The following TAF1 variants were observed in gnomAD, a reference collection of about 807,000 sequenced individuals.
TAF1 encodes the protein TATA-box binding protein associated factor 1, also known as transcription initiation factor TFIID subunit 1.
Under a neutral mutation model 138.5 loss-of-function variants are expected in TAF1, and 2 were observed. The ratio of observed to expected loss-of-function variants is 0.01; its 90% CI spans 0.01 to 0.05. The LOEUF is 0.05. TAF1 is among the 10% of genes least tolerant of loss of function. The pLI is 1.00. For missense variants in TAF1, 709 were observed against 1,478.0 expected, an observed-to-expected ratio of 0.48 and a Z score of 8.53; for synonymous variants, 437 against 503.2, an observed-to-expected ratio of 0.87 and a Z score of 1.76.
intron 28 of TAF1, chrX:71,413,761 A>G (rs936535056): frequency 1.8e-5 from 2 of 111,657 alleles, no homozygotes; most frequent in African/African-American, 6.5e-5. Context: ...AATCATAGTC[A>G]TAATTTATTC....
chrX:71,460,106 G>A (rs1442574211), intron 36 of TAF1, among the ~76,000 whole-genome samples: 1 of 111,700 alleles, frequency 9.0e-6, no homozygotes, highest in African/African-American at 3.3e-5. Context: ...TTAGCTGGGT[G>A]TGGTGGCGAG....
intron 1 of TAF1, 26 bp downstream of exon 1, chrX:71,366,520 G>GGGGGCGGGGC: frequency 2.4e-6 from 1 of 417,684 alleles, no homozygotes; most frequent in Non-Finnish European, 3.7e-6. Flanking sequence ...TGGGGGTAGG[G>GGGGGCGGGGC]CTCGGGGGGT....
intron 13 of TAF1, among the ~76,000 whole-genome samples, chrX:71,471,075 T>G (rs1022959531): frequency 2.8e-5 from 3 of 108,168 alleles, no homozygotes; most frequent in Non-Finnish European, 5.7e-5. Flanking sequence ...CCTAGCACTT[T>G]GGGAGGCCGA....
rs180729691 is a variant in TAF1, at chrX:71,498,280, T to C, written c.1367-30262T>C. 7.5e-4 allele frequency among the ~76,000 whole-genome samples: 84 copies of C among 111,548 alleles called. No homozygotes were observed. In the Middle Eastern group the frequency reaches 0.018, roughly 24 times the overall value. On this transcript the variant is annotated intron_variant and NMD_transcript_variant, in intron 13 of 14. Coordinates refer to the TAF1 transcript ENST00000373775. The stretch of plus-strand genomic sequence containing the variant: ...AACTGGAAGTCAGAATGCAGGGGAA[T>C]ACAGAAGAAGGCATCCTTGAGGTCC...
At chrX:71,483,786 A>C (rs868245651) in intron 13 of TAF1, among the ~76,000 whole-genome samples, 166 of 92,604 alleles carry the variant, frequency 1.8e-3, no homozygotes, top group African/African-American at 1.9e-3. Context: ...CTCTCTATAT[A>C]TATATATATA....
At chrX:71,514,388 GAGGGACT>G (rs924625415) in intron 13 of TAF1, among the ~76,000 whole-genome samples, 10 of 105,655 alleles carry the variant, frequency 9.5e-5, no homozygotes, top group African/African-American at 3.5e-4. Context: ...AAGAGGCCAG[GAGGGACT>G]GACAGACTGG....
intron 1 of TAF1, 84 bp from the exon 2 acceptor site, chrX:71,367,415 T>C (rs1258580310): frequency 3.7e-6 from 4 of 1,086,531 alleles, no homozygotes; most frequent in Non-Finnish European, 5.0e-6. Flanking sequence ...TTTGTGACTT[T>C]GTCGTGGACC....
At position 71,389,856 on chromosome X, in the gene TAF1, G is replaced by T. The variant is rs772543990; in HGVS notation, c.2781+191G>T. On this transcript the variant is annotated intron_variant, in intron 18 of 37. Transcript: ENST00000423759. ...ATTATATTTTATATGATATGGGTTT[G>T]TTTTTTTTTGTTTGTTTTGTTTTTT... 3 of 308,023 alleles carry T rather than the reference G, an allele frequency of 9.7e-6. No homozygotes were observed. The Admixed American group carries it at 2.0e-4, about 20-fold the overall frequency. 25.4% of individuals were successfully genotyped at this position (308,023 alleles called of 1,213,427 possible).
intron 28 of TAF1, chrX:71,420,127 C>T (rs1261795466): frequency 1.0e-5 from 5 of 483,179 alleles, no homozygotes; most frequent in Admixed American, 5.1e-5. Context: ...CCTCTGTAGA[C>T]GTGACCCCGG....
chrX:71,456,184 T>G (rs756331806), intron 34 of TAF1, among the ~76,000 whole-genome samples: 2 of 111,822 alleles, frequency 1.8e-5, no homozygotes, highest in East Asian at 5.6e-4. Context: ...GGCACATGGT[T>G]TGCTCATTTC....
In TAF1 at chrX:71,520,011, G is replaced by T. The variant is rs908667061; in HGVS notation, c.1367-8531G>T. On this transcript the variant is annotated intron_variant and NMD_transcript_variant, in intron 13 of 14. Coordinates refer to the TAF1 transcript ENST00000373775. ...GTATTTTTAGTGGAGATGGGGTTTC[G>T]CCATGTTGGTCAGGCTGGTCTTGCA... Among the ~76,000 whole-genome samples the T allele has an allele frequency of 5.5e-5, 6 of 108,670 alleles. 1 individual carries two copies. The Admixed American group carries it at 5.9e-4, about 11-fold the overall frequency. The allele number at this position is 108,670 out of a possible 115,157, so 94.4% of individuals were successfully genotyped here.
intron 28 of TAF1, among the ~76,000 whole-genome samples, chrX:71,417,348 A>G (rs962941585): frequency 5.4e-5 from 6 of 110,211 alleles, no homozygotes; most frequent in Non-Finnish European, 1.1e-4. Flanking sequence ...CTCCATAATT[A>G]TAAGAAATTT....
chrX:71,394,407 C>G (rs1036878808), intron 22 of TAF1, among the ~76,000 whole-genome samples, 162 bp downstream of exon 22: 4 of 112,571 alleles, frequency 3.6e-5, no homozygotes, highest in Non-Finnish European at 7.5e-5. Flanking sequence ...AAACTGGACT[C>G]TAGGATTGTC....
chrX:71,500,845 C>G (rs980467609), intron 13 of TAF1, among the ~76,000 whole-genome samples: 1 of 109,526 alleles, frequency 9.1e-6, no homozygotes, highest in Admixed American at 9.8e-5. Context: ...GGTGGATCAC[C>G]TGAGGTCAGG....
chrX:71,483,778 C>CTATATATA (rs1486207258), intron 13 of TAF1, among the ~76,000 whole-genome samples: 28 of 54,128 alleles, frequency 5.2e-4, no homozygotes, highest in South Asian at 1.3e-3. Context: ...CTCTCTCTCT[C>CTATATATA]TCTATATATA....
intron 32 of TAF1, among the ~76,000 whole-genome samples, chrX:71,447,657 A>G (rs1362756561): frequency 1.9e-5 from 2 of 107,338 alleles, no homozygotes; most frequent in Non-Finnish European, 3.8e-5. Context: ...AGATCGCGCC[A>G]CTGTACTCCA....
At chrX:71,511,691 CTT>C (rs955062582) in intron 13 of TAF1, among the ~76,000 whole-genome samples, 8 of 111,781 alleles carry the variant, frequency 7.2e-5, no homozygotes, top group African/African-American at 2.6e-4. Flanking sequence ...GACAATGTGA[CTT>C]TGGCTGTTGC....
rs201756731 is a variant in TAF1 at position 71,524,895 on chromosome X, C to T, written c.1367-3647C>T. Among the ~76,000 whole-genome samples, 5 of 100,807 alleles carry T rather than the reference C, an allele frequency of 5.0e-5. No individual in the cohort carries two copies. In the East Asian group the frequency reaches 1.3e-3, roughly 27 times the overall value. 87.5% of individuals were successfully genotyped at this position (100,807 alleles called of 115,157 possible). ...GGCAGAGTTTGCAGTGAGCTGAGATCGCACCACTGCACTCTAGCCTAGGTG... is the reference window on the plus strand; with the variant it reads ...GGCAGAGTTTGCAGTGAGCTGAGATTGCACCACTGCACTCTAGCCTAGGTG... On this transcript the variant is annotated intron_variant and NMD_transcript_variant, in intron 13 of 14. Coordinates refer to the TAF1 transcript ENST00000373775.
chrX:71,515,781 G>A (rs1421152719), intron 13 of TAF1, among the ~76,000 whole-genome samples: 1 of 111,444 alleles, frequency 9.0e-6, no homozygotes, highest in East Asian at 2.8e-4. Flanking sequence ...CTTTCTCCCT[G>A]TTACTTAGTC....
Sources: gnomAD v4.1 joint callset for allele counts (sites outside exome capture counted in the v4.1 genomes callset) on GRCh38, gnomAD v4.1.1 for gene constraint, MANE v1.5 for transcripts, NCBI Gene and HGNC (gene_info 2026-07-23, HGNC 2026-07-21) for gene names.